MAP3K4: variants seen among roughly 807,000 people sequenced by gnomAD.
MAP3K4 encodes the protein mitogen-activated protein kinase kinase kinase 4.
A neutral mutation model predicts 185.6 loss-of-function variants in MAP3K4; 67 were observed. The ratio of observed to expected loss-of-function variants is 0.36; its 90% CI spans 0.30 to 0.44. The LOEUF is 0.44. Among genes scored for constraint, MAP3K4 ranks in the 20% least tolerant of loss-of-function variants. The probability of loss-of-function intolerance (pLI) is 1.00; values close to 1 mark genes in which losing one functional copy is unlikely to be tolerated. For synonymous variants in MAP3K4, 702 were observed against 710.4 expected, an observed-to-expected ratio of 0.99 and a Z score of 0.19; for missense variants, 1,551 against 1,995.1, an observed-to-expected ratio of 0.78 and a Z score of 4.24.
intron 3 of MAP3K4, among the ~76,000 whole-genome samples, chr6:161,059,113 G>C (rs899373375): frequency 2.0e-5 from 3 of 150,564 alleles, no homozygotes; most frequent in Non-Finnish European, 3.0e-5. Context: ...ACCATGATCA[G>C]CAAAAAATGT....
At chr6:161,104,340 G>C (rs912837597) in intron 19 of MAP3K4, among the ~76,000 whole-genome samples, 2 of 151,336 alleles carry the variant, frequency 1.3e-5, no homozygotes, top group African/African-American at 2.4e-5. Flanking sequence ...CTTGAACCCA[G>C]GAGGCAGAGG....
intron 2 of MAP3K4, among the ~76,000 whole-genome samples, chr6:161,047,283 A>G (rs1276748214): frequency 6.6e-6 from 1 of 150,570 alleles, no homozygotes; most frequent in Non-Finnish European, 1.5e-5. Flanking sequence ...TCTACCCAAA[A>G]AAAAAAATTA....
Position 161,109,659 on chromosome 6 carries a change from C to T in MAP3K4, c.4237-96C>T, listed in dbSNP as rs1181747611. ...GTAGTATACCGTTAGAAAGAACATT[C>T]CTTTGGGGTGTGGCCTAGGAAGTTT... On this transcript the variant is annotated intron_variant, in intron 22 of 26. Transcript: ENST00000392142. The surrounding 1 kb of genome is among the most constrained non-coding windows in gnomAD (Gnocchi z 5.7). 3.3e-6 allele frequency: 4 copies of T among 1,220,216 alleles called. No homozygotes were observed. The highest frequency in any genetic ancestry group is 4.8e-6 in the Non-Finnish European group (4 of 839,622). The allele number at this position is 1,220,216 out of a possible 1,614,324, so 75.6% of individuals were successfully genotyped here.
intron 1 of MAP3K4, among the ~76,000 whole-genome samples, chr6:161,011,562 G>A (rs1253986366): frequency 6.6e-6 from 1 of 152,138 alleles, no homozygotes; most frequent in Admixed American, 6.5e-5. Flanking sequence ...GATGTCAGAA[G>A]TAAGTGAGGG....
Position 161,088,293 on chromosome 6 carries a change from G to A in MAP3K4, c.2823+339G>A, listed in dbSNP as rs1018281527. Among the ~76,000 whole-genome samples, 1 of 152,150 alleles carries A rather than the reference G, an allele frequency of 6.6e-6. No individual in the cohort carries two copies. Among genetic ancestry groups the A allele is most frequent in the Non-Finnish European group, 1.5e-5 (1 of 68,026 alleles). ...AGTTCTAGAAATCCCAGTTCTCCAAGTACTCAGGTTTACTGGTTATTTAAT... is the reference window on the plus strand; with the variant it reads ...AGTTCTAGAAATCCCAGTTCTCCAAATACTCAGGTTTACTGGTTATTTAAT... On this transcript the variant is annotated intron_variant, in intron 10 of 26. Transcript: ENST00000392142. The surrounding 1 kb of genome is among the most constrained non-coding windows in gnomAD (Gnocchi z 4.5).
chr6:161,106,574 A>C lies in MAP3K4; in HGVS notation c.3917A>C (p.Glu1306Ala). 1.2e-6 allele frequency: 2 copies of C among 1,614,024 alleles called. No individual in the cohort carries two copies. The highest frequency in any genetic ancestry group is 2.7e-5 in the African/African-American group (2 of 75,050). The change falls in exon 20 of 27, where the codon GAA (glutamate) becomes GCA (alanine). Residue 1306 changes from glutamate to alanine, a missense_variant. Around this residue, in one of 16 missense-constraint regions of MAP3K4, gnomAD observed 272 missense variants for 301.2 expected, o/e 0.90. Transcript: ENST00000392142. This position sits in a 1 kb window ranked among gnomAD's most constrained non-coding sequence, Gnocchi z 4.9. Reference sequence around the variant, plus strand: ...CAGAAGTCAGTCCGATTGTTTGAAGAAAAGAGGTACCGAGAAATGAGGAGA... The same window carrying C: ...CAGAAGTCAGTCCGATTGTTTGAAGCAAAGAGGTACCGAGAAATGAGGAGA... ...AIQKSVRLFE[E>A]KRYREMRRKN...
At chr6:161,024,305 A>C (rs1261885185) in intron 1 of MAP3K4, among the ~76,000 whole-genome samples, 1 of 152,158 alleles carries the variant, frequency 6.6e-6, no homozygotes, top group African/African-American at 2.4e-5. Context: ...AGTTGCAAAG[A>C]TAGTACATAG....
chr6:161,095,775 G>A (rs1403324845), intron 15 of MAP3K4, among the ~76,000 whole-genome samples: 4 of 152,196 alleles, frequency 2.6e-5, no homozygotes, highest in Admixed American at 1.3e-4. Context: ...GTGTTTACCA[G>A]TAGTGAAATT....
chr6:161,029,318 A>G (rs2115147624), intron 1 of MAP3K4, among the ~76,000 whole-genome samples: 1 of 152,322 alleles, frequency 6.6e-6, no homozygotes, highest in East Asian at 1.9e-4. Context: ...ATCCGACTTC[A>G]TCATTTTACA....
chr6:161,035,875 A>C (rs1296542269), intron 2 of MAP3K4, among the ~76,000 whole-genome samples: 1 of 152,170 alleles, frequency 6.6e-6, no homozygotes, highest in Non-Finnish European at 1.5e-5. Context: ...TTGAGAACAC[A>C]ATTTCCCCAT....
intron 1 of MAP3K4, among the ~76,000 whole-genome samples, chr6:161,012,156 G>C (rs1562480144): frequency 6.6e-6 from 1 of 152,174 alleles, no homozygotes; most frequent in Non-Finnish European, 1.5e-5. Flanking sequence ...CTTTAAGCTT[G>C]AAATCCAGGC....
chr6:161,057,771 T>G (rs1341949159), intron 3 of MAP3K4, among the ~76,000 whole-genome samples: 3 of 152,232 alleles, frequency 2.0e-5, no homozygotes, highest in Non-Finnish European at 4.4e-5. Flanking sequence ...CCTGTCTGAT[T>G]TCATAAGATT....
At chr6:161,072,873 A>T (rs1476612235) in intron 4 of MAP3K4, among the ~76,000 whole-genome samples, 1 of 152,086 alleles carries the variant, frequency 6.6e-6, no homozygotes, top group African/African-American at 2.4e-5. Context: ...AGATCTATAT[A>T]TTGCAAATTT....
intron 5 of MAP3K4, among the ~76,000 whole-genome samples, chr6:161,079,694 G>A (rs1426695554): frequency 2.6e-5 from 4 of 152,122 alleles, no homozygotes; most frequent in African/African-American, 7.2e-5. Context: ...GTGAAAGGGC[G>A]GTTCTGAGCC....
At chr6:161,005,936 C>T (rs1364451203) in intron 1 of MAP3K4, among the ~76,000 whole-genome samples, 3 of 152,040 alleles carry the variant, frequency 2.0e-5, no homozygotes, top group African/African-American at 4.8e-5. Flanking sequence ...TACAGGTGCC[C>T]GCCACCGTGC....
rs1198080783 is a variant in MAP3K4, at chr6:161,093,562, C to A, written c.3349-211C>A. On this transcript the variant is annotated intron_variant, in intron 14 of 26. Coordinates refer to ENST00000392142, the MANE Select transcript of MAP3K4 (RefSeq NM_005922.4). This position sits in a 1 kb window ranked among gnomAD's most constrained non-coding sequence, Gnocchi z 5.2. ...TTATTGTGTTATGGGAAATTGACAG[C>A]TAATTTGCTTTTACTTATAAAAATG... Among the ~76,000 whole-genome samples the A allele has an allele frequency of 6.6e-6, 1 of 152,152 alleles. No individual in the cohort carries two copies. Among genetic ancestry groups the A allele is most frequent in the Non-Finnish European group, 1.5e-5 (1 of 68,022 alleles).
At chr6:161,021,026 T>G (rs1782361778) in intron 1 of MAP3K4, among the ~76,000 whole-genome samples, 1 of 152,148 alleles carries the variant, frequency 6.6e-6, no homozygotes, top group East Asian at 1.9e-4. Flanking sequence ...CTTCTAAAAT[T>G]TTTTAGACTC....
rs1778544518 is a variant in MAP3K4, at chr6:161,115,339, A to G, written c.4806+37A>G. The G allele has an allele frequency of 6.4e-7, 1 of 1,561,746 alleles. No individual in the cohort carries two copies. The highest frequency in any genetic ancestry group is 1.4e-5 in the African/African-American group (1 of 73,424). ...TACTGGATAGTCTTTTTCATGTTTAAGTGTTTAAGTTCTGTTTTGCATCAA... is the reference window on the plus strand; with the variant it reads ...TACTGGATAGTCTTTTTCATGTTTAGGTGTTTAAGTTCTGTTTTGCATCAA... On this transcript the variant is annotated intron_variant, in intron 26 of 26. Transcript: ENST00000392142. The surrounding 1 kb of genome is among the most constrained non-coding windows in gnomAD (Gnocchi z 6.0).
chr6:161,106,843 A>G lies in MAP3K4; in HGVS notation c.4048+138A>G. 1 of 583,042 alleles carries G rather than the reference A, an allele frequency of 1.7e-6. No homozygotes were observed. The highest frequency in any genetic ancestry group is 2.7e-6 in the Non-Finnish European group (1 of 370,112). 36.1% of individuals were successfully genotyped at this position (583,042 alleles called of 1,614,324 possible). A position where few individuals can be genotyped will look rare whatever the true frequency, so the allele number is the denominator to read the frequency against. On this transcript the variant is annotated intron_variant, in intron 20 of 26. Coordinates refer to ENST00000392142, the MANE Select transcript of MAP3K4 (RefSeq NM_005922.4). The surrounding 1 kb of genome is among the most constrained non-coding windows in gnomAD (Gnocchi z 4.9). ...AAGTATGCATTGTTATCTTTTTGCAAAGTGGTCTGGATTTTTTTTGGTTGT... is the reference window on the plus strand; with the variant it reads ...AAGTATGCATTGTTATCTTTTTGCAGAGTGGTCTGGATTTTTTTTGGTTGT...
Sources: allele counts gnomAD v4.1 joint callset (sites outside exome capture counted in the v4.1 genomes callset), GRCh38; gene constraint gnomAD v4.1.1; regional missense constraint gnomAD v4.1.1; non-coding constraint Gnocchi (gnomAD v3.1); transcripts MANE v1.5; gene names NCBI Gene and HGNC (gene_info 2026-07-23, HGNC 2026-07-21).